ROBO2: variants seen among roughly 807,000 people sequenced by gnomAD.
The protein encoded by ROBO2 is roundabout guidance receptor 2, also known as roundabout homolog 2.
ROBO2 carries 53 observed loss-of-function variants against 160.8 expected under a neutral mutation model. That is an observed-to-expected ratio of 0.33 (90% CI 0.26 to 0.41). The LOEUF is 0.41. Ranked by LOEUF, ROBO2 falls within the 10% of genes least tolerant of loss-of-function variation. The probability of loss-of-function intolerance (pLI) is 1.00; values close to 1 mark genes in which losing one functional copy is unlikely to be tolerated. For synonymous variants in ROBO2, 664 were observed against 611.7 expected, an observed-to-expected ratio of 1.09 and a Z score of -1.26; for missense variants, 1,577 against 1,722.4, an observed-to-expected ratio of 0.92 and a Z score of 1.49.
chr3:76,393,830 G>C (rs1026424948), intron 2 of ROBO2, among the ~76,000 whole-genome samples: 7 of 152,110 alleles, frequency 4.6e-5, no homozygotes, highest in Non-Finnish European at 8.8e-5. Context: ...TTTTCATGTA[G>C]TAACATGGTC....
intron 2 of ROBO2, among the ~76,000 whole-genome samples, chr3:77,151,421 T>C (rs1477601468): frequency 1.3e-5 from 2 of 152,150 alleles, no homozygotes; most frequent in Non-Finnish European, 2.9e-5. Context: ...GCGAGGTAAA[T>C]GGAGAAGTAA....
At chr3:76,536,512 G>A (rs1021746197) in intron 2 of ROBO2, among the ~76,000 whole-genome samples, 1 of 152,078 alleles carries the variant, frequency 6.6e-6, no homozygotes, top group Admixed American at 6.6e-5. Flanking sequence ...CTTTAAGCTT[G>A]TCATAATTGA....
chr3:77,291,912 C>A (rs1348017722), intron 2 of ROBO2, among the ~76,000 whole-genome samples: 1 of 151,288 alleles, frequency 6.6e-6, no homozygotes, highest in Non-Finnish European at 1.5e-5. Flanking sequence ...GGCTAGATCA[C>A]CCCAGACGTG....
intron 2 of ROBO2, among the ~76,000 whole-genome samples, chr3:77,448,890 AT>A (rs1425292724): frequency 2.6e-5 from 4 of 152,090 alleles, no homozygotes; most frequent in African/African-American, 2.4e-5. Flanking sequence ...GTGAAAAAAA[AT>A]CACATGAGAA....
intron 2 of ROBO2, among the ~76,000 whole-genome samples, chr3:76,573,194 C>A (rs1051841370): frequency 1.3e-5 from 2 of 152,002 alleles, no homozygotes; most frequent in Non-Finnish European, 2.9e-5. Flanking sequence ...GATCTCAATT[C>A]TTTTTTTGTA....
At chr3:77,407,180 G>A (rs1349029399) in intron 2 of ROBO2, among the ~76,000 whole-genome samples, 2 of 151,962 alleles carry the variant, frequency 1.3e-5, no homozygotes, top group African/African-American at 4.8e-5. Flanking sequence ...GGAATGGACA[G>A]TATTCACATT....
At chr3:76,423,293 C>A (rs770826740) in intron 2 of ROBO2, among the ~76,000 whole-genome samples, 6 of 152,106 alleles carry the variant, frequency 3.9e-5, no homozygotes, top group Non-Finnish European at 7.4e-5. Flanking sequence ...AGGTGGAAGA[C>A]CCTTAAGCTG....
At chr3:77,538,896 T>A (rs750030076) in intron 6 of ROBO2, 2 of 486,846 alleles carry the variant, frequency 4.1e-6, no homozygotes, top group Non-Finnish European at 8.3e-6. Flanking sequence ...ATTAACTAAT[T>A]TTTGCAGAAA....
chr3:77,612,215 A>G (rs935917091), intron 21 of ROBO2, among the ~76,000 whole-genome samples: 17 of 152,210 alleles, frequency 1.1e-4, no homozygotes, highest in African/African-American at 4.1e-4. Context: ...AGTCTTTTTC[A>G]ATGTTACTAC....
intron 2 of ROBO2, among the ~76,000 whole-genome samples, chr3:76,229,853 G>T (rs902057087): frequency 6.6e-6 from 1 of 152,082 alleles, no homozygotes; most frequent in South Asian, 2.1e-4. Context: ...CATAACTTTA[G>T]CTCATGAAAA....
intron 2 of ROBO2, among the ~76,000 whole-genome samples, chr3:76,132,240 T>G (rs1019220323): frequency 4.2e-4 from 64 of 152,242 alleles, no homozygotes; most frequent in Non-Finnish European, 8.8e-5. Context: ...GCTTCATTCT[T>G]CTAGGATCAA....
intron 2 of ROBO2, among the ~76,000 whole-genome samples, chr3:76,009,509 G>T (rs543502103): frequency 1.3e-5 from 2 of 152,272 alleles, no homozygotes; most frequent in South Asian, 4.1e-4. Context: ...ATATTCTGGG[G>T]TAGCATGTTC....
chr3:76,493,362 T>C (rs2079952746), intron 2 of ROBO2, among the ~76,000 whole-genome samples: 1 of 141,476 alleles, frequency 7.1e-6, no homozygotes, highest in Admixed American at 7.1e-5. Context: ...TATATATATA[T>C]ATAATTGTAT....
intron 2 of ROBO2, among the ~76,000 whole-genome samples, chr3:76,546,539 G>C (rs1270551063): frequency 1.3e-5 from 2 of 151,814 alleles, no homozygotes; most frequent in African/African-American, 4.8e-5. Context: ...TGATCCTTAG[G>C]GAAGAAGAGG....
At chr3:76,857,284 T>A (rs1437045418) in intron 2 of ROBO2, among the ~76,000 whole-genome samples, 1 of 152,226 alleles carries the variant, frequency 6.6e-6, no homozygotes, top group Non-Finnish European at 1.5e-5. Flanking sequence ...TGCATGTTTT[T>A]AAATCCTCTT....
intron 21 of ROBO2, among the ~76,000 whole-genome samples, chr3:77,617,033 A>G (rs2094794842): frequency 6.6e-6 from 1 of 152,232 alleles, no homozygotes. Flanking sequence ...GATAGTCTTA[A>G]TGACATATGG....
intron 2 of ROBO2, among the ~76,000 whole-genome samples, chr3:77,337,672 C>T (rs1315017953): frequency 1.3e-5 from 2 of 151,980 alleles, no homozygotes; most frequent in Non-Finnish European, 2.9e-5. Context: ...TTCTTTAGGC[C>T]TACATAAAAC....
intron 2 of ROBO2, among the ~76,000 whole-genome samples, chr3:76,146,697 G>GGTGGGTGT (rs1553657637): frequency 1.5e-5 from 2 of 136,440 alleles, no homozygotes; most frequent in Non-Finnish European, 3.2e-5. Flanking sequence ...GATTACATAG[G>GGTGGGTGT]GTGTGTGTGT....
intron 24 of ROBO2, among the ~76,000 whole-genome samples, chr3:77,637,695 T>G (rs941465691): frequency 6.6e-6 from 1 of 152,196 alleles, no homozygotes; most frequent in Non-Finnish European, 1.5e-5. Context: ...TTGTGAATAT[T>G]GTGGAGAGAG....
Sources: allele counts gnomAD v4.1 joint callset (sites outside exome capture counted in the v4.1 genomes callset), GRCh38; gene constraint gnomAD v4.1.1; transcripts MANE v1.5; gene names NCBI Gene and HGNC (gene_info 2026-07-23, HGNC 2026-07-21).